The following RIOX2 variants were observed in gnomAD, a reference collection of about 807,000 sequenced individuals.
The protein encoded by RIOX2 is 60S ribosomal protein L27a histidine hydroxylase.
RIOX2 carries 43 observed loss-of-function variants against 51.2 expected under a neutral mutation model. The observed-to-expected ratio is 0.84, with a 90% CI of 0.66 to 1.08. The LOEUF is 1.08. Ranked by LOEUF, RIOX2 falls within the 50% of genes least tolerant of loss-of-function variation. RIOX2 has a pLI of 0.00. For synonymous variants in RIOX2, 226 were observed against 218.5 expected, an observed-to-expected ratio of 1.03 and a Z score of -0.30; for missense variants, 566 against 561.7, an observed-to-expected ratio of 1.01 and a Z score of -0.08.
intron 5 of RIOX2, chr3:97,952,385 A>G: frequency 4.4e-6 from 2 of 458,004 alleles, no homozygotes; most frequent in Non-Finnish European, 7.9e-6. Flanking sequence ...AATGAATAGG[A>G]CCCAGGGGCA....
Position 97,961,708 on chromosome 3 carries a change from CCTTTA to C in RIOX2, c.433-5_433-1del, listed in dbSNP as rs1480017270. The C allele has an allele frequency of 1.5e-5, 23 of 1,582,734 alleles. No homozygotes were observed. Among genetic ancestry groups the C allele is most frequent in the Non-Finnish European group, 2.0e-5 (23 of 1,171,502 alleles). On this transcript the variant is annotated splice_acceptor_variant and splice_polypyrimidine_tract_variant and intron_variant, in intron 2 of 9. Coordinates refer to ENST00000394198, the MANE Select transcript of RIOX2 (RefSeq NM_153182.4). LOFTEE classifies it high-confidence loss of function. ...TTCTCCTGGATCCTCCAAAGCTCAT[CCTTTA>C]CAAAAAAGGAAAAAAGAAAGGGTCG...
intron 2 of RIOX2, among the ~76,000 whole-genome samples, chr3:97,962,873 G>A (rs1447254611): frequency 6.6e-6 from 1 of 152,138 alleles, no homozygotes; most frequent in African/African-American, 2.4e-5. Context: ...AGGCAGCATG[G>A]CTCCAAAGTC....
At chr3:97,957,579 G>T (rs1246342223) in intron 4 of RIOX2, among the ~76,000 whole-genome samples, 1 of 151,668 alleles carries the variant, frequency 6.6e-6, no homozygotes, top group Non-Finnish European at 1.5e-5. Context: ...CTGTCCAGGA[G>T]ACTCAGTGCA....
rs963605730 is a variant in RIOX2, at chr3:97,944,598, T to C, written c.*586A>G. 1.3e-5 allele frequency: 2 copies of C among 152,370 alleles called. No homozygotes were observed. The highest frequency in any genetic ancestry group is 4.8e-5 in the African/African-American group (2 of 41,412). 9.4% of individuals were successfully genotyped at this position (152,370 alleles called of 1,614,324 possible). A position where few individuals can be genotyped will look rare whatever the true frequency, so the allele number is the denominator to read the frequency against. On this transcript the variant is annotated 3_prime_UTR_variant, in exon 10 of 10. Coordinates refer to ENST00000394198, the MANE Select transcript of RIOX2 (RefSeq NM_153182.4). ...ATAGACTTTAAATACTGGGTTTTTT[T>C]CCTCCTTCAATCTCAGGCTTTTCTC...
chr3:97,951,621 T>A (rs1475194662), intron 5 of RIOX2, among the ~76,000 whole-genome samples: 1 of 152,200 alleles, frequency 6.6e-6, no homozygotes, highest in African/African-American at 2.4e-5. Context: ...TCTTAGCTAT[T>A]TAAAATTTTC....
At chr3:97,951,934 G>A (rs1362135362) in intron 5 of RIOX2, among the ~76,000 whole-genome samples, 3 of 152,184 alleles carry the variant, frequency 2.0e-5, no homozygotes, top group Non-Finnish European at 4.4e-5. Flanking sequence ...GTTTATGTAG[G>A]TGGAAGTCAT....
At chr3:97,946,705 G>C (rs1366537493) in intron 8 of RIOX2, among the ~76,000 whole-genome samples, 1 of 150,840 alleles carries the variant, frequency 6.6e-6, no homozygotes, top group East Asian at 2.0e-4. Flanking sequence ...CATCCCCCTT[G>C]ATCATTCATG....
At chr3:97,964,463 G>A (rs566914850) in intron 2 of RIOX2, among the ~76,000 whole-genome samples, 1 of 151,974 alleles carries the variant, frequency 6.6e-6, no homozygotes, top group South Asian at 2.1e-4. Flanking sequence ...GGCCGAGGCA[G>A]GTGGATCACA....
At chr3:97,966,925 C>T (rs1705910579) in intron 2 of RIOX2, among the ~76,000 whole-genome samples, 1 of 152,180 alleles carries the variant, frequency 6.6e-6, no homozygotes, top group African/African-American at 2.4e-5. Context: ...AGTTTTGCAG[C>T]TCAATGATAC....
chr3:97,959,319 T>TTG, intron 3 of RIOX2, 140 bp from the exon 4 acceptor site: 2 of 838,988 alleles, frequency 2.4e-6, no homozygotes, highest in Non-Finnish European at 3.4e-6. Context: ...TTTTTTTTTT[T>TTG]TTTTTTTTTT....
intron 4 of RIOX2, among the ~76,000 whole-genome samples, chr3:97,955,122 T>C (rs1280637135): frequency 1.3e-5 from 2 of 152,184 alleles, no homozygotes; most frequent in Non-Finnish European, 2.9e-5. Context: ...GCAGGGTCTG[T>C]ATCTTACCAT....
At chr3:97,951,588 T>G (rs1173499780) in intron 5 of RIOX2, among the ~76,000 whole-genome samples, 1 of 152,202 alleles carries the variant, frequency 6.6e-6, no homozygotes, top group East Asian at 1.9e-4. Context: ...ATGCACTCTG[T>G]GGGGATGCTC....
intron 2 of RIOX2, among the ~76,000 whole-genome samples, chr3:97,966,518 A>G (rs1021657772): frequency 2.6e-5 from 4 of 152,248 alleles, no homozygotes; most frequent in Admixed American, 1.3e-4. Context: ...ATTATTTCCC[A>G]AATGTCAATC....
intron 5 of RIOX2, among the ~76,000 whole-genome samples, chr3:97,951,589 G>A (rs1705256374): frequency 2.0e-5 from 3 of 152,124 alleles, no homozygotes; most frequent in South Asian, 4.2e-4. Context: ...TGCACTCTGT[G>A]GGGATGCTCT....
chr3:97,953,231 C>A (rs975132066), intron 5 of RIOX2, among the ~76,000 whole-genome samples: 6 of 152,154 alleles, frequency 3.9e-5, no homozygotes, highest in African/African-American at 1.2e-4. Context: ...CCTCTGCAAA[C>A]CTACAATAGA....
In RIOX2 at chr3:97,967,348, C is replaced by T. The variant is rs748806493; in HGVS notation, c.246G>A (p.Lys82=). 4 of 1,614,078 alleles carry T rather than the reference C, an allele frequency of 2.5e-6. No individual in the cohort carries two copies. Among genetic ancestry groups the T allele is most frequent in the Non-Finnish European group, 3.4e-6 (4 of 1,180,046 alleles). ...ALATYYGSLF[K]LTDLKSLCSR... ...TGCACAGACTCTTCAGATCTGTTAGCTTGAACAGGGACCCATAGTATGTGG... is the reference window on the plus strand; with the variant it reads ...TGCACAGACTCTTCAGATCTGTTAGTTTGAACAGGGACCCATAGTATGTGG... The change falls in exon 2 of 10, where the codon AAG becomes AAA. Residue 82 remains lysine, a synonymous_variant. Transcript: ENST00000394198.
intron 2 of RIOX2, among the ~76,000 whole-genome samples, chr3:97,965,701 G>T (rs1245234626): frequency 1.3e-5 from 2 of 152,176 alleles, no homozygotes; most frequent in Admixed American, 6.5e-5. Context: ...GAAAAGCCCT[G>T]CGGGGGATGA....
intron 5 of RIOX2, among the ~76,000 whole-genome samples, chr3:97,951,590 G>A (rs1705256519): frequency 6.6e-6 from 1 of 152,096 alleles, no homozygotes; most frequent in Non-Finnish European, 1.5e-5. Context: ...GCACTCTGTG[G>A]GGATGCTCTC....
rs549247541 is a variant in RIOX2 at position 97,970,070 on chromosome 3, G to T, written c.-40+2311C>A. Among the ~76,000 whole-genome samples, 169 of 152,272 alleles carry T rather than the reference G, an allele frequency of 1.1e-3. 1 individual carries two copies. The highest frequency in any genetic ancestry group is 3.9e-3 in the African/African-American group (162 of 41,552). Reference sequence around the variant, plus strand: ...GGTCAGTTTAAAATTCATTTAAGGGGAGAGAGCAGGAGGAAGATGCAAACG... The same window carrying T: ...GGTCAGTTTAAAATTCATTTAAGGGTAGAGAGCAGGAGGAAGATGCAAACG... On this transcript the variant is annotated intron_variant, in intron 1 of 9. Transcript: ENST00000394198.
Sources: gnomAD v4.1 joint callset for allele counts (sites outside exome capture counted in the v4.1 genomes callset) on GRCh38, gnomAD v4.1.1 for gene constraint, MANE v1.5 for transcripts, NCBI Gene and HGNC (gene_info 2026-07-23, HGNC 2026-07-21) for gene names.